Variants in MACF1 observed in about 807,000 individuals in gnomAD.
The protein encoded by MACF1 is microtubule actin crosslinking factor 1.
A neutral mutation model predicts 854.8 loss-of-function variants in MACF1; 193 were observed. The ratio of observed to expected loss-of-function variants is 0.23; its 90% CI spans 0.20 to 0.25. MACF1 has a LOEUF of 0.25. MACF1 is among the 10% of genes least tolerant of loss of function. The pLI, the probability that MACF1 is intolerant of heterozygous loss-of-function variation, is 1.00. For synonymous variants in MACF1, 3,185 were observed against 3,226.7 expected, an observed-to-expected ratio of 0.99 and a Z score of 0.44; for missense variants, 7,722 against 8,929.1, an observed-to-expected ratio of 0.86 and a Z score of 5.45.
chr1:39,474,639 A>G (rs1644841434), intron 97 of MACF1, among the ~76,000 whole-genome samples: 1 of 152,150 alleles, frequency 6.6e-6, no homozygotes, highest in Non-Finnish European at 1.5e-5. Flanking sequence ...GGTTGTGGTG[A>G]GCTGAGATTG....
chr1:39,328,236 C>T (rs1474504078), intron 36 of MACF1: 1 of 152,168 alleles, frequency 6.6e-6, no homozygotes, highest in Non-Finnish European at 1.5e-5. Context: ...TTTCCAAAAA[C>T]AAAGTGCTGG....
chr1:39,180,354 A>G (rs1007565324), intron 2 of MACF1, among the ~76,000 whole-genome samples: 6 of 151,888 alleles, frequency 4.0e-5, no homozygotes, highest in Non-Finnish European at 8.8e-5. Flanking sequence ...GGTGGCTCGT[A>G]TCTGTAATCC....
chr1:39,382,109 C>A lies in MACF1; in HGVS notation c.13805C>A (p.Ser4602Tyr). 6.2e-7 allele frequency: 1 copy of A among 1,614,052 alleles called. No homozygotes were observed. Among genetic ancestry groups the A allele is most frequent in the Non-Finnish European group, 8.5e-7 (1 of 1,180,036 alleles). Residue 4602 changes from serine to tyrosine, a missense_variant, in exon 56 of 101, where the codon TCT (serine) becomes TAT (tyrosine). This residue lies in a region of MACF1 where 2,807 missense variants were observed against 3,235.8 expected (regional missense o/e 0.87). Coordinates refer to ENST00000564288, the MANE Select transcript of MACF1 (RefSeq NM_001394062.1). ...ELMMGVLGPL[S>Y]IDPNMLNAQK... ...ATGATGGGAGTGCTGGGGCCCCTGT[C>A]TATTGACCCCAACATGTTGAATGCA...
chr1:39,344,663 T>C (rs773516476), intron 40 of MACF1, among the ~76,000 whole-genome samples: 4 of 152,122 alleles, frequency 2.6e-5, no homozygotes, highest in Admixed American at 6.5e-5. Flanking sequence ...GCATGTGCAG[T>C]GTGTTTACTA....
At chr1:39,326,273 G>A (rs144994007) in intron 35 of MACF1, among the ~76,000 whole-genome samples, 381 of 152,268 alleles carry the variant, frequency 2.5e-3, no homozygotes, top group African/African-American at 8.2e-3. Flanking sequence ...AGAAAGTTGC[G>A]GGATTCATCA....
At chr1:39,174,444 T>C (rs1643998143) in intron 2 of MACF1, among the ~76,000 whole-genome samples, 1 of 152,236 alleles carries the variant, frequency 6.6e-6, no homozygotes, top group Admixed American at 6.5e-5. Flanking sequence ...TTTCGATTAG[T>C]AATTCCAAAT....
chr1:39,306,860 A>AATTATT (rs141461887), intron 23 of MACF1, among the ~76,000 whole-genome samples: 28,172 of 144,786 alleles, frequency 0.19, 2,962 homozygotes, highest in Non-Finnish European at 0.24. Context: ...CATTTTTTGA[A>AATTATT]ATTATTATTA....
rs1481362679 is a variant in MACF1, at chr1:39,442,403, C to T, written c.18949-9C>T. On this transcript the variant is annotated splice_polypyrimidine_tract_variant and intron_variant, in intron 76 of 100. Transcript: ENST00000564288. The stretch of plus-strand genomic sequence containing the variant: ...ATTGAATATTCCCTTTCTGTCTTTT[C>T]CTGAGTAGCACAAACTAGAAGGGGC... 6.2e-7 allele frequency: 1 copy of T among 1,611,760 alleles called. No homozygotes were observed. Among genetic ancestry groups the T allele is most frequent in the African/African-American group, 1.3e-5 (1 of 74,722 alleles).
chr1:39,126,068 G>A (rs957498345), intron 2 of MACF1, among the ~76,000 whole-genome samples: 1 of 152,200 alleles, frequency 6.6e-6, no homozygotes, highest in African/African-American at 2.4e-5. Context: ...GACCAGCTGG[G>A]CAACATAGTG....
In MACF1 at chr1:39,250,011, C is replaced by T. The variant is rs541379944; in HGVS notation, c.172-3C>T. The T allele has an allele frequency of 2.6e-5, 42 of 1,591,362 alleles. No homozygotes were observed. In the East Asian group the frequency reaches 5.9e-4, roughly 22 times the overall value. On this transcript the variant is annotated splice_region_variant and splice_polypyrimidine_tract_variant and intron_variant, in intron 2 of 100. Transcript: ENST00000564288. ...AATCTGTCTGTTTCACTCTCATTCA[C>T]AGGTCCGCAAGCACATCAATGATCT...
chr1:39,283,381 A>G lies in MACF1; in HGVS notation c.809-28A>G. 6.3e-7 allele frequency: 1 copy of G among 1,582,704 alleles called. No individual in the cohort carries two copies. Reference sequence around the variant, plus strand: ...TCTGGCAAGTTCCTTTGTTCTGACTAAGAAATTTCTTGTCCATTCTCTCTC... The same window carrying G: ...TCTGGCAAGTTCCTTTGTTCTGACTGAGAAATTTCTTGTCCATTCTCTCTC... On this transcript the variant is annotated intron_variant, in intron 8 of 100. Coordinates refer to ENST00000564288, the MANE Select transcript of MACF1 (RefSeq NM_001394062.1). This position sits in a 1 kb window ranked among gnomAD's most constrained non-coding sequence, Gnocchi z 4.5.
intron 97 of MACF1, among the ~76,000 whole-genome samples, chr1:39,472,976 T>C (rs1341095622): frequency 1.3e-5 from 2 of 152,238 alleles, no homozygotes; most frequent in African/African-American, 2.4e-5. Flanking sequence ...TTGGCATGGC[T>C]GTAGTAACCT....
chr1:39,435,980 T>C (rs1235507573), intron 70 of MACF1: 5 of 531,334 alleles, frequency 9.4e-6, no homozygotes, highest in Non-Finnish European at 1.7e-5. Flanking sequence ...GGCTGGTATA[T>C]ATTGTCTGTT....
At chr1:39,342,876 A>G (rs1646966985) in intron 40 of MACF1, among the ~76,000 whole-genome samples, 1 of 152,154 alleles carries the variant, frequency 6.6e-6, no homozygotes. Flanking sequence ...TATGAACCAT[A>G]TGCAAAAGAC....
chr1:39,302,810 C>T (rs1001778104), intron 22 of MACF1, 114 bp from the exon 23 acceptor site: 2 of 1,012,578 alleles, frequency 2.0e-6, no homozygotes, highest in East Asian at 5.2e-5. Flanking sequence ...GATAGCAGAT[C>T]TTTTCTTAAG....
chr1:39,425,670 T>C (rs577488461), intron 61 of MACF1, among the ~76,000 whole-genome samples: 6 of 152,320 alleles, frequency 3.9e-5, no homozygotes, highest in East Asian at 3.9e-4. Context: ...TCTTATTTTA[T>C]GGGTTATAAT....
chr1:39,199,460 C>T (rs1016397812), intron 2 of MACF1, among the ~76,000 whole-genome samples: 2 of 151,862 alleles, frequency 1.3e-5, no homozygotes, highest in African/African-American at 4.8e-5. Flanking sequence ...TGGGCTGTAA[C>T]ATAGTAAGAT....
At chr1:39,466,605 A>C (rs1644673191) in intron 95 of MACF1, among the ~76,000 whole-genome samples, 1 of 152,184 alleles carries the variant, frequency 6.6e-6, no homozygotes, top group African/African-American at 2.4e-5. Context: ...ACTCAGGTCC[A>C]AGAGCACTGC....
chr1:39,300,504 AT>A, intron 22 of MACF1, 142 bp downstream of exon 22: 1 of 679,232 alleles, frequency 1.5e-6, no homozygotes, highest in Non-Finnish European at 2.0e-6. Flanking sequence ...CTCTCCTATC[AT>A]TTAAAAAAAA....
Sources: gnomAD v4.1 joint callset for allele counts (sites outside exome capture counted in the v4.1 genomes callset) on GRCh38, gnomAD v4.1.1 for gene constraint, gnomAD v4.1.1 regional missense constraint, Gnocchi (gnomAD v3.1) non-coding constraint, MANE v1.5 for transcripts, NCBI Gene and HGNC (gene_info 2026-07-23, HGNC 2026-07-21) for gene names.